The following CLCN5 variants were observed in gnomAD, a reference collection of about 807,000 sequenced individuals.
CLCN5 encodes Cl-/H+ antiporter 5.
A neutral mutation model predicts 54.0 loss-of-function variants in CLCN5; 17 were observed. The ratio of observed to expected loss-of-function variants is 0.31; its 90% CI spans 0.22 to 0.47. The LOEUF is 0.47. Among genes scored for constraint, CLCN5 ranks in the 20% least tolerant of loss-of-function variants. The probability of loss-of-function intolerance (pLI) is 1.00; values close to 1 mark genes in which losing one functional copy is unlikely to be tolerated. For missense variants in CLCN5, 448 were observed against 646.7 expected (o/e 0.69, Z 3.33); for synonymous variants, 222 against 233.0 (o/e 0.95, Z 0.43).
At chrX:50,091,276 T>C (rs1300729545) in intron 14 of CLCN5, among the ~76,000 whole-genome samples, 2 of 111,663 alleles carry the variant, frequency 1.8e-5, no homozygotes, top group African/African-American at 6.5e-5. Flanking sequence ...TTCAGTGAGG[T>C]GAGATTTATA....
At chrX:50,060,165 G>A (rs1348762466) in intron 4 of CLCN5, among the ~76,000 whole-genome samples, 25 of 110,136 alleles carry the variant, frequency 2.3e-4, no homozygotes, top group Non-Finnish European at 1.1e-4. Flanking sequence ...CAAGATGGCC[G>A]AATAGGAACA....
At chrX:49,935,666 G>C (rs782549044) in intron 3 of CLCN5, among the ~76,000 whole-genome samples, 24 of 111,844 alleles carry the variant, frequency 2.1e-4, no homozygotes, top group African/African-American at 7.8e-4. Context: ...AGATGAGGAG[G>C]AGTTATCCAC....
intron 3 of CLCN5, among the ~76,000 whole-genome samples, chrX:50,023,049 G>A (rs1468436998): frequency 2.1e-5 from 2 of 93,535 alleles, no homozygotes; most frequent in Non-Finnish European, 3.9e-5. Flanking sequence ...TTTCTGTTTC[G>A]TTGATCTGTC....
chrX:49,938,059 C>T (rs1478831404), intron 3 of CLCN5, among the ~76,000 whole-genome samples: 1 of 111,509 alleles, frequency 9.0e-6, no homozygotes, highest in Non-Finnish European at 1.9e-5. Context: ...AGAGTTCCTT[C>T]ACCCAGTTGT....
At chrX:49,996,863 C>T (rs782108605) in intron 3 of CLCN5, among the ~76,000 whole-genome samples, 93 of 111,916 alleles carry the variant, frequency 8.3e-4, no homozygotes, top group Non-Finnish European at 1.5e-3. Context: ...TCAGAACTCT[C>T]CACTCCAGCC....
rs1464754566 is a variant in CLCN5, at chrX:50,043,470, T to C, written c.163+1008T>C. Among the ~76,000 whole-genome samples the C allele has an allele frequency of 7.1e-5, 8 of 112,327 alleles. No homozygotes were observed. In the Admixed American group the frequency reaches 7.6e-4, roughly 11 times the overall value. ...CAGTGCTGACATTACCATTCTTTTT[T>C]CATCTTTACAATATGATAGGATAAA... On this transcript the variant is annotated intron_variant, in intron 4 of 14. Transcript: ENST00000376091.
intron 4 of CLCN5, among the ~76,000 whole-genome samples, chrX:50,056,278 A>C (rs1457799335): frequency 9.0e-6 from 1 of 110,650 alleles, no homozygotes; most frequent in South Asian, 3.9e-4. Context: ...TAAAACAACA[A>C]TTAGAAGTTA....
intron 4 of CLCN5, among the ~76,000 whole-genome samples, chrX:50,044,550 C>T (rs140754496): frequency 9.0e-5 from 10 of 111,476 alleles, no homozygotes; most frequent in African/African-American, 2.9e-4. Context: ...GGGCTGAGTC[C>T]GAGAAAGGAG....
intron 3 of CLCN5, among the ~76,000 whole-genome samples, chrX:50,005,589 T>TA (rs1162390577): frequency 4.5e-5 from 5 of 111,924 alleles, no homozygotes; most frequent in African/African-American, 1.6e-4. Context: ...GAGGATTTTT[T>TA]AAAAAAACTA....
Position 50,067,837 on chromosome X carries a change from TGTTGTAGGATTCTAATCACTG to T in CLCN5, c.164-2041_164-2021del, listed in dbSNP as rs1933088076. The T allele has an allele frequency of 2.0e-5, 9 of 440,054 alleles. 1 individual carries two copies. In the South Asian group the frequency reaches 7.2e-4, roughly 35 times the overall value. 36.3% of individuals were successfully genotyped at this position (440,054 alleles called of 1,213,427 possible). A position where few individuals can be genotyped will look rare whatever the true frequency, so the allele number is the denominator to read the frequency against. ...GGGATCTGGAGAATTGCAAGCAGTC[TGTTGTAGGATTCTAATCACTG>T]CCTGCTCTTTGAGAGGGGCCTGACA... On this transcript the variant is annotated intron_variant, in intron 4 of 14. Transcript: ENST00000376091.
At chrX:49,946,244 A>G (rs1365423560) in intron 3 of CLCN5, among the ~76,000 whole-genome samples, 11 of 112,104 alleles carry the variant, frequency 9.8e-5, no homozygotes, top group Non-Finnish European at 2.1e-4. Flanking sequence ...GAATTACCAC[A>G]AACTTAATTG....
chrX:50,094,167 ATTTTAT>A lies in CLCN5; in HGVS notation c.*1955_*1960del, dbSNP rs1557195229. On this transcript the variant is annotated 3_prime_UTR_variant, in exon 15 of 15. Coordinates refer to ENST00000376091, the MANE Select transcript of CLCN5 (RefSeq NM_001127898.4). ...GCTCAGAACTGGGTAGCCAAGGGTT[ATTTTAT>A]TTTTATCTTTAAAATAATCAAGGCA... The A allele has an allele frequency of 8.9e-6, 1 of 111,817 alleles. No homozygotes were observed. The highest frequency in any genetic ancestry group is 3.2e-5 in the African/African-American group (1 of 30,776). The allele number at this position is 111,817 out of a possible 1,213,427, so 9.2% of individuals were successfully genotyped here. A position where few individuals can be genotyped will look rare whatever the true frequency, so the allele number is the denominator to read the frequency against.
chrX:49,981,000 G>A (rs1474469110), intron 3 of CLCN5, among the ~76,000 whole-genome samples: 1 of 110,579 alleles, frequency 9.0e-6, no homozygotes, highest in Non-Finnish European at 1.9e-5. Flanking sequence ...TACTTTTATT[G>A]TACTGCCTCT....
At chrX:50,015,751 C>A (rs149815817) in intron 3 of CLCN5, among the ~76,000 whole-genome samples, 1,441 of 110,580 alleles carry the variant, frequency 0.013, 15 homozygotes, top group African/African-American at 0.044. Context: ...ATTCATTCCT[C>A]CCCATCTTAT....
At chrX:49,969,730 G>A (rs782166506) in intron 3 of CLCN5, among the ~76,000 whole-genome samples, 12 of 112,147 alleles carry the variant, frequency 1.1e-4, no homozygotes, top group East Asian at 5.6e-4. Context: ...TGAAAGTAAC[G>A]TGGCTTCTGC....
chrX:50,058,689 A>G (rs1174419818), intron 4 of CLCN5, among the ~76,000 whole-genome samples: 2 of 111,963 alleles, frequency 1.8e-5, no homozygotes, highest in Non-Finnish European at 3.8e-5. Context: ...AGGCAATGCA[A>G]ATTAGCCTTT....
At chrX:50,053,568 CTCT>C (rs1439760284) in intron 4 of CLCN5, among the ~76,000 whole-genome samples, 1 of 110,395 alleles carries the variant, frequency 9.1e-6, no homozygotes, top group Non-Finnish European at 1.9e-5. Flanking sequence ...TTATATTGTT[CTCT>C]TCTTCTCCTA....
chrX:50,086,490 A>G lies in CLCN5; in HGVS notation c.1177A>G (p.Ile393Val), dbSNP rs1557193941. The G allele has an allele frequency of 8.3e-7, 1 of 1,210,938 alleles. No homozygotes were observed. The highest frequency in any genetic ancestry group is 1.1e-6 in the Non-Finnish European group (1 of 895,436). Reference protein sequence around the residue: ...PWHLFELVPFILLGIFGGLWG... With the variant: ...PWHLFELVPFVLLGIFGGLWG... ...GCATCTCTTTGAGCTCGTGCCATTC[A>G]TTCTGCTGGGCATATTTGGTGGTCT... Residue 393 changes from isoleucine (I) to valine (V), a missense_variant, in exon 11 of 15, where the codon ATT (isoleucine) becomes GTT (valine). Physicochemically the swap from Ile to Val is conservative, Grantham distance 29. Coordinates refer to ENST00000376091, the MANE Select transcript of CLCN5 (RefSeq NM_001127898.4).
intron 3 of CLCN5, among the ~76,000 whole-genome samples, chrX:49,928,019 G>C (rs1358491670): frequency 8.9e-6 from 1 of 111,930 alleles, no homozygotes; most frequent in African/African-American, 3.3e-5. Flanking sequence ...AAGGAGTTTG[G>C]GGAATGAAGA....
Sources: allele counts gnomAD v4.1 joint callset (sites outside exome capture counted in the v4.1 genomes callset), GRCh38; gene constraint gnomAD v4.1.1; transcripts MANE v1.5; gene names NCBI Gene and HGNC (gene_info 2026-07-23, HGNC 2026-07-21).